The following ELOVL7 variants were observed in gnomAD, a reference collection of about 807,000 sequenced individuals.
ELOVL7 encodes ELOVL fatty acid elongase 7, also known as very long chain fatty acid elongase 7.
Under a neutral mutation model 35.7 loss-of-function variants are expected in ELOVL7, and 27 were observed. The observed-to-expected ratio is 0.76, with a 90% CI of 0.56 to 1.04. The LOEUF (loss-of-function observed/expected upper bound fraction) is 1.04. Ranked by LOEUF, ELOVL7 falls within the 50% of genes least tolerant of loss-of-function variation. The probability of loss-of-function intolerance (pLI) is 0.00; values close to 1 mark genes in which losing one functional copy is unlikely to be tolerated. For synonymous variants in ELOVL7, 113 were observed against 114.6 expected (o/e 0.99, Z 0.09); for missense variants, 327 against 340.8 (o/e 0.96, Z 0.32).
intron 1 of ELOVL7, among the ~76,000 whole-genome samples, chr5:60,826,474 C>T (rs1342518602): frequency 2.0e-5 from 3 of 152,098 alleles, no homozygotes; most frequent in African/African-American, 7.2e-5. Context: ...AGTATCATAG[C>T]AGTGTCCTCT....
intron 3 of ELOVL7, among the ~76,000 whole-genome samples, chr5:60,777,966 A>G (rs888614780): frequency 3.9e-5 from 6 of 152,268 alleles, no homozygotes; most frequent in Non-Finnish European, 7.3e-5. Context: ...AATAGAAATT[A>G]AACAAAAGTT....
At chr5:60,773,105 A>T (rs1170216862) in intron 3 of ELOVL7, among the ~76,000 whole-genome samples, 4 of 152,228 alleles carry the variant, frequency 2.6e-5, no homozygotes, top group South Asian at 2.1e-4. Flanking sequence ...GAGATGGATG[A>T]ATAAAAAATT....
intron 7 of ELOVL7, among the ~76,000 whole-genome samples, chr5:60,761,871 G>C (rs995345436): frequency 1.1e-4 from 17 of 152,094 alleles, no homozygotes; most frequent in Non-Finnish European, 2.2e-4. Context: ...CAGCTATAAA[G>C]AAGAGGGCAA....
intron 3 of ELOVL7, among the ~76,000 whole-genome samples, chr5:60,784,783 G>T (rs767856938): frequency 2.7e-4 from 41 of 152,152 alleles, no homozygotes; most frequent in Non-Finnish European, 4.7e-4. Context: ...TGTTATGCCT[G>T]ACAGCGTTTT....
chr5:60,754,812 T>A lies in ELOVL7; in HGVS notation c.658A>T (p.Ile220Phe). 6.2e-7 allele frequency: 1 copy of A among 1,614,084 alleles called. No individual in the cohort carries two copies. Among genetic ancestry groups the A allele is most frequent in the Non-Finnish European group, 8.5e-7 (1 of 1,180,002 alleles). ...ATGAAAAAGAACTGGCTTATGTGGA[T>A]GGCGACAATAACAAACTGGACCTAA... The part of the protein sequence containing the change: ...LQLVQFVIVA[I>F]HISQFFFMED... The change falls in exon 9 of 9, where the codon ATC becomes TTC. Residue 220 changes from isoleucine to phenylalanine, a missense_variant. Ile to Phe is a conservative substitution (Grantham distance 21). Coordinates refer to ENST00000508821, the MANE Select transcript of ELOVL7 (RefSeq NM_024930.3).
intron 2 of ELOVL7, among the ~76,000 whole-genome samples, chr5:60,790,595 T>C (rs1579845670): frequency 6.6e-6 from 1 of 152,210 alleles, no homozygotes; most frequent in Non-Finnish European, 1.5e-5. Flanking sequence ...AGACTGGCTG[T>C]GGTGATGCCA....
intron 3 of ELOVL7, among the ~76,000 whole-genome samples, chr5:60,776,259 G>C (rs1029578614): frequency 6.6e-6 from 1 of 152,186 alleles, no homozygotes; most frequent in Non-Finnish European, 1.5e-5. Flanking sequence ...GGAGAAAAGG[G>C]AATGCTTATA....
intron 3 of ELOVL7, among the ~76,000 whole-genome samples, chr5:60,773,241 C>T (rs1411995589): frequency 1.3e-5 from 2 of 152,188 alleles, no homozygotes; most frequent in Non-Finnish European, 2.9e-5. Context: ...CCAGAAGGAC[C>T]TGACTCAAAA....
chr5:60,836,487 G>T (rs1746804993), intron 1 of ELOVL7, among the ~76,000 whole-genome samples: 1 of 152,036 alleles, frequency 6.6e-6, no homozygotes, highest in Non-Finnish European at 1.5e-5. Flanking sequence ...GGTCAACATT[G>T]TTCGTTGGCT....
At chr5:60,772,144 T>A (rs760760558) in intron 3 of ELOVL7, 51 bp from the exon 4 acceptor site, 2 of 1,242,644 alleles carry the variant, frequency 1.6e-6, no homozygotes, top group Non-Finnish European at 2.2e-6. Context: ...AAGGGGTAAC[T>A]AACAGCAACC....
intron 1 of ELOVL7, among the ~76,000 whole-genome samples, chr5:60,807,653 G>C (rs2112308189): frequency 6.6e-6 from 1 of 152,098 alleles, no homozygotes; most frequent in East Asian, 1.9e-4. Flanking sequence ...GGAACAAAAG[G>C]AAATTCTCCA....
intron 1 of ELOVL7, among the ~76,000 whole-genome samples, chr5:60,819,763 G>A (rs1019291400): frequency 4.6e-5 from 7 of 152,146 alleles, no homozygotes; most frequent in Admixed American, 4.6e-4. Context: ...TCCAGCTTGG[G>A]TGACAGTGAG....
At chr5:60,829,461 G>A (rs1393297341) in intron 1 of ELOVL7, among the ~76,000 whole-genome samples, 5 of 152,040 alleles carry the variant, frequency 3.3e-5, no homozygotes, top group African/African-American at 7.2e-5. Context: ...CTCATTACAT[G>A]GAAGATTTTT....
chr5:60,768,021 G>A lies in ELOVL7; in HGVS notation c.256-118C>T, dbSNP rs75377267. ...CAGCTAAGTCAATAGTCAGTGCAGA[G>A]GAAAAGGTAGCTGGAACAAATACAA... On this transcript the variant is annotated intron_variant, in intron 4 of 8. Coordinates refer to ENST00000508821, the MANE Select transcript of ELOVL7 (RefSeq NM_024930.3). 2.3e-3 allele frequency: 1,558 copies of A among 690,980 alleles called. 16 individuals are homozygous for A. In the African/African-American group the frequency reaches 0.025, roughly 11 times the overall value. The allele number at this position is 690,980 out of a possible 1,614,324, so 42.8% of individuals were successfully genotyped here.
intron 3 of ELOVL7, among the ~76,000 whole-genome samples, chr5:60,781,035 C>A (rs1383380506): frequency 6.6e-6 from 1 of 152,018 alleles, no homozygotes; most frequent in African/African-American, 2.4e-5. Flanking sequence ...CATGGTGAAA[C>A]CCTGTCTCTA....
At chr5:60,842,966 T>C (rs1415309724) in intron 1 of ELOVL7, among the ~76,000 whole-genome samples, 4 of 151,708 alleles carry the variant, frequency 2.6e-5, no homozygotes, top group African/African-American at 7.3e-5. Flanking sequence ...TTCTGATCAG[T>C]AGTACGAAGA....
At chr5:60,843,987 C>G (rs1005095220) in intron 1 of ELOVL7, among the ~76,000 whole-genome samples, 173 bp downstream of exon 1, 4 of 152,070 alleles carry the variant, frequency 2.6e-5, no homozygotes, top group Non-Finnish European at 5.9e-5. Context: ...GGCCTGGCCC[C>G]GCTCCCGGGG....
chr5:60,763,082 T>A (rs927573270), intron 7 of ELOVL7, among the ~76,000 whole-genome samples: 2 of 152,212 alleles, frequency 1.3e-5, no homozygotes, highest in African/African-American at 4.8e-5. Flanking sequence ...CTTGTTTTAA[T>A]GTAAATGAAA....
At chr5:60,791,167 GA>G (rs1185884089) in intron 2 of ELOVL7, among the ~76,000 whole-genome samples, 1 of 152,076 alleles carries the variant, frequency 6.6e-6, no homozygotes, top group African/African-American at 2.4e-5. Flanking sequence ...TGTAGAGATG[GA>G]TTTCACTATG....
Sources: gnomAD v4.1 joint callset for allele counts (sites outside exome capture counted in the v4.1 genomes callset) on GRCh38, gnomAD v4.1.1 for gene constraint, MANE v1.5 for transcripts, NCBI Gene and HGNC (gene_info 2026-07-23, HGNC 2026-07-21) for gene names.